Variants in PAX5 observed in about 807,000 individuals in gnomAD.
PAX5 encodes the protein paired box 5, also known as paired box protein Pax-5.
A neutral mutation model predicts 43.7 loss-of-function variants in PAX5; 9 were observed. The ratio of observed to expected loss-of-function variants is 0.21; its 90% CI spans 0.12 to 0.36. PAX5 has a LOEUF of 0.36. Among genes scored for constraint, PAX5 ranks in the 10% least tolerant of loss-of-function variants. The probability of loss-of-function intolerance (pLI) is 1.00; values close to 1 mark genes in which losing one functional copy is unlikely to be tolerated. For synonymous variants in PAX5, 228 were observed against 214.3 expected (o/e 1.06, Z -0.56); for missense variants, 383 against 532.7 (o/e 0.72, Z 2.77).
chr9:36,930,235 T>C (rs1329808528), intron 6 of PAX5, among the ~76,000 whole-genome samples: 1 of 146,358 alleles, frequency 6.8e-6, no homozygotes, highest in African/African-American at 2.5e-5. Context: ...TTTTTTTTTT[T>C]TTTTTTGAGA....
rs145201444 is a variant in PAX5, at chr9:36,855,261, G to A, written c.1013-8332C>T. 2.4e-3 allele frequency among the ~76,000 whole-genome samples: 366 copies of A among 152,316 alleles called. 2 individuals carry two copies. The highest frequency in any genetic ancestry group is 8.5e-3 in the African/African-American group (352 of 41,568). ...TGATCGGCTCCTGGTGTTTGAAAGG[G>A]GCAAGTATCAGTAGCCACAGGACTT... On this transcript the variant is annotated intron_variant, in intron 8 of 9. Transcript: ENST00000358127.
Position 36,836,804 on chromosome 9 carries a change from C to T in PAX5, c.*3756G>A, listed in dbSNP as rs1337079228. The T allele has an allele frequency of 4.3e-6, 1 of 232,398 alleles. No individual in the cohort carries two copies. The highest frequency in any genetic ancestry group is 8.5e-6 in the Non-Finnish European group (1 of 117,696). 14.4% of individuals were successfully genotyped at this position (232,398 alleles called of 1,614,324 possible). Reference sequence around the variant, plus strand: ...AAAGAAAGGGAAGTGGGGGACAGCACATGACCTTGGCACCTGGACCCCTGG... The same window carrying T: ...AAAGAAAGGGAAGTGGGGGACAGCATATGACCTTGGCACCTGGACCCCTGG... On this transcript the variant is annotated 3_prime_UTR_variant, in exon 10 of 10. Coordinates refer to ENST00000358127, the MANE Select transcript of PAX5 (RefSeq NM_016734.3).
chr9:36,951,084 C>T (rs1832969650), intron 6 of PAX5, among the ~76,000 whole-genome samples: 1 of 152,092 alleles, frequency 6.6e-6, no homozygotes, highest in African/African-American at 2.4e-5. Flanking sequence ...CTACAAGTTC[C>T]TTATAAGACA....
At chr9:36,880,771 C>T (rs1826343732) in intron 8 of PAX5, among the ~76,000 whole-genome samples, 1 of 152,180 alleles carries the variant, frequency 6.6e-6, no homozygotes. Context: ...AGAGACAGGG[C>T]TTCGCCATGT....
chr9:37,028,867 T>C (rs1426486487), intron 1 of PAX5, among the ~76,000 whole-genome samples: 1 of 152,248 alleles, frequency 6.6e-6, no homozygotes, highest in Non-Finnish European at 1.5e-5. Flanking sequence ...CAGAACTCTC[T>C]TGCTACACAA....
chr9:36,931,708 C>G (rs1019775667), intron 6 of PAX5, among the ~76,000 whole-genome samples: 4 of 151,730 alleles, frequency 2.6e-5, no homozygotes, highest in African/African-American at 9.7e-5. Flanking sequence ...AATCAGCCAG[C>G]CGTGGTGGCA....
chr9:36,877,625 A>T (rs1395185909), intron 8 of PAX5, among the ~76,000 whole-genome samples: 1 of 152,232 alleles, frequency 6.6e-6, no homozygotes, highest in Non-Finnish European at 1.5e-5. Context: ...CAATGGCATC[A>T]TCATCTTCAG....
intron 7 of PAX5, 101 bp downstream of exon 7, chr9:36,923,254 G>T (rs2131967682): frequency 6.9e-7 from 1 of 1,445,424 alleles, no homozygotes; most frequent in Non-Finnish European, 9.3e-7. Context: ...AACAAAATTG[G>T]CCAATCACAT....
intron 7 of PAX5, among the ~76,000 whole-genome samples, chr9:36,888,716 G>A (rs749940599): frequency 5.9e-5 from 9 of 152,216 alleles, no homozygotes; most frequent in Admixed American, 1.3e-4. Context: ...TATGGCTGAC[G>A]CTGGTGGAAG....
At chr9:36,910,035 C>T (rs1252511195) in intron 7 of PAX5, among the ~76,000 whole-genome samples, 1 of 151,982 alleles carries the variant, frequency 6.6e-6, no homozygotes, top group African/African-American at 2.4e-5. Flanking sequence ...GTTGCTCAGG[C>T]TGGTCTTGAA....
chr9:36,978,212 C>G (rs533312276), intron 5 of PAX5, among the ~76,000 whole-genome samples: 1 of 152,374 alleles, frequency 6.6e-6, no homozygotes, highest in Non-Finnish European at 1.5e-5. Context: ...CTAATCCATA[C>G]TGTCCAAGTC....
chr9:36,977,360 G>A (rs1835525879), intron 5 of PAX5, among the ~76,000 whole-genome samples: 1 of 152,128 alleles, frequency 6.6e-6, no homozygotes, highest in South Asian at 2.1e-4. Context: ...AGATCACACA[G>A]CTAAGAAGTG....
intron 1 of PAX5, chr9:37,026,865 GTAGC>G (rs1840436420): frequency 3.1e-6 from 1 of 320,804 alleles, no homozygotes; most frequent in Non-Finnish European, 4.5e-6. Context: ...CCAGCCCGGG[GTAGC>G]TGCGGCCAAG....
chr9:36,847,336 T>C (rs1302042468), intron 8 of PAX5, among the ~76,000 whole-genome samples: 1 of 152,138 alleles, frequency 6.6e-6, no homozygotes, highest in African/African-American at 2.4e-5. Flanking sequence ...CATCCCTGAG[T>C]GAAGCCAATC....
intron 7 of PAX5, among the ~76,000 whole-genome samples, chr9:36,911,273 G>A (rs1829259598): frequency 6.6e-6 from 1 of 152,182 alleles, no homozygotes; most frequent in Non-Finnish European, 1.5e-5. Context: ...CACAGAGCGA[G>A]AGCCCAATAA....
At chr9:36,997,747 T>A (rs1313560278) in intron 5 of PAX5, among the ~76,000 whole-genome samples, 1 of 152,194 alleles carries the variant, frequency 6.6e-6, no homozygotes, top group Non-Finnish European at 1.5e-5. Flanking sequence ...CTCAGAGCCA[T>A]CCCGCAGGCC....
chr9:36,842,409 C>T (rs997565832), intron 9 of PAX5, among the ~76,000 whole-genome samples: 1 of 152,152 alleles, frequency 6.6e-6, no homozygotes, highest in Non-Finnish European at 1.5e-5. Context: ...AGAGTCTTCT[C>T]CTTGGAGGAT....
chr9:37,025,166 C>T (rs1469986854), intron 1 of PAX5, among the ~76,000 whole-genome samples: 3 of 152,082 alleles, frequency 2.0e-5, no homozygotes, highest in Non-Finnish European at 2.9e-5. Context: ...ACAGGGGGCT[C>T]CTCTGCACAG....
intron 5 of PAX5, among the ~76,000 whole-genome samples, chr9:36,970,261 AC>A (rs1394047020): frequency 1.3e-5 from 2 of 152,172 alleles, no homozygotes; most frequent in African/African-American, 4.8e-5. Context: ...ACTGCATGGA[AC>A]CGTGAGGAGT....
Sources: gnomAD v4.1 joint callset for allele counts (sites outside exome capture counted in the v4.1 genomes callset) on GRCh38, gnomAD v4.1.1 for gene constraint, MANE v1.5 for transcripts, NCBI Gene and HGNC (gene_info 2026-07-23, HGNC 2026-07-21) for gene names.